DNAH12: variants seen among roughly 807,000 people sequenced by gnomAD.
DNAH12 encodes the protein dynein axonemal heavy chain 12.
Under a neutral mutation model 371.5 loss-of-function variants are expected in DNAH12, and 285 were observed. That is an observed-to-expected ratio of 0.77 (90% CI 0.70 to 0.85). DNAH12 has a LOEUF of 0.85. DNAH12 is among the 40% of genes least tolerant of loss of function. The pLI is 0.00. For synonymous variants in DNAH12, 1,200 were observed against 1,213.0 expected (o/e 0.99, Z 0.22); for missense variants, 3,611 against 3,689.4 (o/e 0.98, Z 0.55).
At position 57,293,909 on chromosome 3, in the gene DNAH12, G is replaced by T. The variant is rs900987250; in HGVS notation, c.11755C>A (p.Arg3919Ser). The part of the protein sequence containing the change: ...YVCPLYKTSE[R>S]KGTLSTTGHS... ...CCCGTAGTGGAAAGAGTTCCTTTAC[G>T]TTCACTTGTCTTGTAGAGGGGACAG... is the stretch of plus-strand genomic sequence containing the variant. Residue 3919 changes from arginine (R) to serine (S), a missense_variant, in exon 74 of 74, where the codon CGT becomes AGT. Arg to Ser is a moderately radical substitution (Grantham distance 110). Transcript: ENST00000495027. The T allele has an allele frequency of 6.5e-7, 1 of 1,535,530 alleles. No individual in the cohort carries two copies. Among genetic ancestry groups the T allele is most frequent in the South Asian group, 1.2e-5 (1 of 81,502 alleles).
At chr3:57,439,809 A>C (rs2065249225) in intron 29 of DNAH12, among the ~76,000 whole-genome samples, 1 of 151,494 alleles carries the variant, frequency 6.6e-6, no homozygotes, top group Admixed American at 6.6e-5. Flanking sequence ...TCTAATATCC[A>C]GAATTGATAA....
chr3:57,499,641 A>T (rs1251800862), intron 11 of DNAH12, among the ~76,000 whole-genome samples: 3 of 25,440 alleles, frequency 1.2e-4, no homozygotes, highest in African/African-American at 3.3e-4. Flanking sequence ...AAAAAAAAAA[A>T]AAAAAAATAT....
At chr3:57,420,433 C>T (rs1302120949) in intron 36 of DNAH12, among the ~76,000 whole-genome samples, 1 of 151,982 alleles carries the variant, frequency 6.6e-6, no homozygotes, top group Non-Finnish European at 1.5e-5. Context: ...TTTAGTAATT[C>T]ATATTTGTAT....
chr3:57,370,535 A>G (rs2063149261), intron 55 of DNAH12, among the ~76,000 whole-genome samples: 3 of 152,220 alleles, frequency 2.0e-5, no homozygotes, highest in Non-Finnish European at 4.4e-5. Flanking sequence ...AATATTATAA[A>G]CAGACAAACT....
At chr3:57,339,376 A>G (rs1553655316) in intron 60 of DNAH12, among the ~76,000 whole-genome samples, 1 of 141,654 alleles carries the variant, frequency 7.1e-6, no homozygotes, top group Non-Finnish European at 1.5e-5. Flanking sequence ...TGATCAATAA[A>G]TACTAAAAAA....
intron 13 of DNAH12, among the ~76,000 whole-genome samples, chr3:57,476,790 A>G (rs2066542725): frequency 6.6e-6 from 1 of 152,226 alleles, no homozygotes; most frequent in Non-Finnish European, 1.5e-5. Flanking sequence ...TAAGAGTAAA[A>G]TATAGGTAAA....
upstream of DNAH12, among the ~76,000 whole-genome samples, chr3:57,546,151 G>A (rs1005672210): frequency 1.3e-5 from 2 of 152,062 alleles, no homozygotes; most frequent in Non-Finnish European, 2.9e-5. Flanking sequence ...CCAGGGTAGC[G>A]GGGTCGGGGG....
At chr3:57,468,190 C>T (rs2066259358) in intron 17 of DNAH12, among the ~76,000 whole-genome samples, 1 of 152,092 alleles carries the variant, frequency 6.6e-6, no homozygotes, top group Admixed American at 6.5e-5. Flanking sequence ...GGCCATACTC[C>T]TTTGATTACA....
intron 59 of DNAH12, among the ~76,000 whole-genome samples, chr3:57,353,099 A>G (rs1237020101): frequency 6.6e-6 from 1 of 152,082 alleles, no homozygotes; most frequent in African/African-American, 2.4e-5. Flanking sequence ...AAGAAAATAA[A>G]ATGCATAAAA....
rs2063298565 is a variant in DNAH12 at position 57,377,211 on chromosome 3, A to C, written c.8235T>G (p.Pro2745=). 2 of 152,298 alleles carry C rather than the reference A, an allele frequency of 1.3e-5. No individual in the cohort carries two copies. Among genetic ancestry groups the C allele is most frequent in the Admixed American group, 1.3e-4 (2 of 15,284 alleles). The allele number at this position is 152,298 out of a possible 1,614,324, so 9.4% of individuals were successfully genotyped here. A position where few individuals can be genotyped will look rare whatever the true frequency, so the allele number is the denominator to read the frequency against. Residue 2745 remains proline (P), a synonymous_variant, in exon 53 of 74, where the codon CCT becomes CCG. Transcript: ENST00000495027. The part of the protein sequence containing the change: ...VYDRVAKVVA[P]KKARLSEAQK... ...GAGCTTCTGATAAGCGAGCTTTCTT[A>C]GGAGCCACTACCTTTTTGGGAAGAA...
chr3:57,504,404 C>T (rs185470418), intron 8 of DNAH12, among the ~76,000 whole-genome samples, 200 bp from the exon 9 acceptor site: 15 of 139,948 alleles, frequency 1.1e-4, no homozygotes, highest in African/African-American at 1.6e-4. Context: ...CACACACACA[C>T]ATATATATAT....
intron 60 of DNAH12, among the ~76,000 whole-genome samples, chr3:57,339,992 GCC>G (rs2062353764): frequency 6.6e-6 from 1 of 151,840 alleles, no homozygotes; most frequent in Admixed American, 6.6e-5. Context: ...GATTGCTTGA[GCC>G]CAGGAGGTTG....
intron 13 of DNAH12, among the ~76,000 whole-genome samples, chr3:57,474,932 C>T (rs527791033): frequency 2.0e-5 from 3 of 150,794 alleles, no homozygotes; most frequent in South Asian, 2.1e-4. Flanking sequence ...GCTGGGATCG[C>T]GCCATTGCAC....
the DNAH12 span, among the ~76,000 whole-genome samples, chr3:57,553,682 T>C: frequency 2.6e-5 from 4 of 152,318 alleles, no homozygotes; most frequent in African/African-American, 9.6e-5. Context: ...GACCTCATAG[T>C]TTTAACTTAT....
At chr3:57,389,842 T>TATATATATATATATATATATAAAAA (rs2063578029) in intron 45 of DNAH12, among the ~76,000 whole-genome samples, 2 of 70,556 alleles carry the variant, frequency 2.8e-5, no homozygotes, top group Non-Finnish European at 7.4e-5. Context: ...ATATATATAA[T>TATATATATATATATATATATAAAAA]ACTTTTTTTT....
chr3:57,452,700 C>G (rs2065790198), intron 25 of DNAH12, 143 bp downstream of exon 25: 1 of 786,502 alleles, frequency 1.3e-6, no homozygotes, highest in Non-Finnish European at 1.9e-6. Flanking sequence ...TAAATATTCA[C>G]TATTATAATT....
chr3:57,335,612 G>A (rs1172953987), intron 60 of DNAH12, among the ~76,000 whole-genome samples: 2 of 152,198 alleles, frequency 1.3e-5, no homozygotes, highest in Non-Finnish European at 2.9e-5. Flanking sequence ...GTAAGCAGCT[G>A]TAACATAATG....
At chr3:57,347,419 G>GA (rs2062567456) in intron 60 of DNAH12, among the ~76,000 whole-genome samples, 1 of 152,190 alleles carries the variant, frequency 6.6e-6, no homozygotes, top group South Asian at 2.1e-4. Flanking sequence ...AAAAGATGTA[G>GA]AAAAAACATT....
chr3:57,524,990 C>CTAATAATAGACT (rs2068584262), intron 2 of DNAH12, among the ~76,000 whole-genome samples: 3 of 151,790 alleles, frequency 2.0e-5, no homozygotes, highest in African/African-American at 7.3e-5. Context: ...ATCTAATAGT[C>CTAATAATAGACT]TATAATGCTA....
Sources: gnomAD v4.1 joint callset for allele counts (sites outside exome capture counted in the v4.1 genomes callset) on GRCh38, gnomAD v4.1.1 for gene constraint, MANE v1.5 for transcripts, NCBI Gene and HGNC (gene_info 2026-07-23, HGNC 2026-07-21) for gene names.